Variants in SORT1 observed in about 807,000 individuals in gnomAD.
SORT1 encodes sortilin 1.
SORT1 carries 39 observed loss-of-function variants against 101.7 expected under a neutral mutation model. The ratio of observed to expected loss-of-function variants is 0.38; its 90% confidence interval spans 0.30 to 0.50. The LOEUF is 0.50. SORT1 is among the 20% of genes least tolerant of loss of function. The pLI is 0.90. For synonymous variants in SORT1, 396 were observed against 393.7 expected, an observed-to-expected ratio of 1.01 and a Z score of -0.07; for missense variants, 878 against 1,040.4, an observed-to-expected ratio of 0.84 and a Z score of 2.15.
At chr1:109,322,831 C>T in intron 15 of SORT1, 101 bp downstream of exon 15, 1 of 962,192 alleles carries the variant, frequency 1.0e-6, no homozygotes, top group East Asian at 2.6e-5. Context: ...TGAGCCACCG[C>T]ACCCGGCTGG....
chr1:109,342,885 T>C (rs969503549), intron 8 of SORT1, among the ~76,000 whole-genome samples: 31 of 152,184 alleles, frequency 2.0e-4, no homozygotes, highest in African/African-American at 7.0e-4. Context: ...TGAGAATTAA[T>C]GTCGGTGTTT....
At chr1:109,369,023 T>A (rs1402559354) in intron 2 of SORT1, among the ~76,000 whole-genome samples, 1 of 152,124 alleles carries the variant, frequency 6.6e-6, no homozygotes, top group Non-Finnish European at 1.5e-5. Flanking sequence ...AAGAAGGTGG[T>A]CAGAAGATGT....
chr1:109,337,092 ACT>A (rs559199088), intron 10 of SORT1, among the ~76,000 whole-genome samples: 262 of 151,746 alleles, frequency 1.7e-3, no homozygotes, highest in Middle Eastern at 3.4e-3. Flanking sequence ...TGGATTAATA[ACT>A]CTGAATTATT....
At chr1:109,350,484 G>A (rs1279484333) in intron 6 of SORT1, among the ~76,000 whole-genome samples, 2 of 152,170 alleles carry the variant, frequency 1.3e-5, no homozygotes, top group Admixed American at 6.5e-5. Context: ...GGTGCGCAAT[G>A]TGACTTCAGG....
At chr1:109,323,279 T>A (rs1306878644) in intron 14 of SORT1, among the ~76,000 whole-genome samples, 158 bp from the exon 15 acceptor site, 1 of 152,236 alleles carries the variant, frequency 6.6e-6, no homozygotes, top group African/African-American at 2.4e-5. Flanking sequence ...GTTACACTAG[T>A]CTAGAGCCTA....
At chr1:109,386,650 C>G (rs190851505) in intron 1 of SORT1, among the ~76,000 whole-genome samples, 60 of 152,108 alleles carry the variant, frequency 3.9e-4, no homozygotes, top group Admixed American at 5.9e-4. Context: ...CCCAGGAATC[C>G]CAGACCAGCC....
intron 5 of SORT1, 104 bp from the exon 6 acceptor site, chr1:109,351,106 C>A: frequency 1.2e-6 from 1 of 824,324 alleles, no homozygotes. Context: ...AGGAAAAACA[C>A]ATACTGAAGC....
chr1:109,352,795 G>A (rs1039906124), intron 5 of SORT1, among the ~76,000 whole-genome samples: 1 of 152,112 alleles, frequency 6.6e-6, no homozygotes, highest in Non-Finnish European at 1.5e-5. Context: ...GAAATTTCAG[G>A]TACAGAAGCA....
rs72981186 is a variant in SORT1, at chr1:109,364,676, G to A, written c.440+2732C>T. The stretch of plus-strand genomic sequence containing the variant: ...ATGTTGGCAGGGGCTAGGGGGTGCA[G>A]TGTGCATTTGTAGAAGACGTGGAGG... On this transcript the variant is annotated intron_variant, in intron 3 of 19. Transcript: ENST00000256637. Among the ~76,000 whole-genome samples, 1,473 of 152,344 alleles carry A rather than the reference G, an allele frequency of 9.7e-3. 27 individuals are homozygous for A. Among genetic ancestry groups the A allele is most frequent in the African/African-American group, 0.034 (1,413 of 41,570 alleles).
chr1:109,393,164 A>C, intron 1 of SORT1: 2 of 985,426 alleles, frequency 2.0e-6, no homozygotes, highest in Non-Finnish European at 2.4e-6. Flanking sequence ...GCCAGCAAAC[A>C]AACACACGCA....
In SORT1 at chr1:109,312,957, A is replaced by AT. The variant is rs933522099; in HGVS notation, c.*1085dup. On this transcript the variant is annotated 3_prime_UTR_variant, in exon 20 of 20. Coordinates refer to ENST00000256637, the MANE Select transcript of SORT1 (RefSeq NM_002959.7). ...AGGAAAGCCTGGTAATAAAATTCTAATTTTTTAAGTCTATAAATCTGAAAA... is the reference window on the plus strand; with the variant it reads ...AGGAAAGCCTGGTAATAAAATTCTAATTTTTTTAAGTCTATAAATCTGAAAA... 6.6e-6 allele frequency: 1 copy of AT among 152,298 alleles called. No homozygotes were observed. The highest frequency in any genetic ancestry group is 2.4e-5 in the African/African-American group (1 of 41,564). 9.4% of individuals were successfully genotyped at this position (152,298 alleles called of 1,614,324 possible). A position where few individuals can be genotyped will look rare whatever the true frequency, so the allele number is the denominator to read the frequency against.
intron 15 of SORT1, among the ~76,000 whole-genome samples, chr1:109,319,153 C>T (rs1647448979): frequency 6.6e-6 from 1 of 152,216 alleles, no homozygotes; most frequent in Admixed American, 6.5e-5. Context: ...TCTGTCTTCC[C>T]CACTTCTGTT....
chr1:109,316,095 A>C (rs971308687), intron 17 of SORT1, among the ~76,000 whole-genome samples: 1 of 152,098 alleles, frequency 6.6e-6, no homozygotes, highest in Non-Finnish European at 1.5e-5. Flanking sequence ...AAACCAGCCC[A>C]TTACCATAGC....
chr1:109,393,952 A>C (rs911559044), intron 1 of SORT1, among the ~76,000 whole-genome samples: 6 of 152,184 alleles, frequency 3.9e-5, no homozygotes, highest in Non-Finnish European at 5.9e-5. Flanking sequence ...CAACCACCCT[A>C]CAAATTAAGT....
intron 1 of SORT1, among the ~76,000 whole-genome samples, chr1:109,376,001 T>C (rs1651809582): frequency 6.6e-6 from 1 of 152,048 alleles, no homozygotes; most frequent in Non-Finnish European, 1.5e-5. Flanking sequence ...TTATACACTG[T>C]TGGAGGGAAT....
intron 8 of SORT1, among the ~76,000 whole-genome samples, chr1:109,345,490 A>T (rs184919093): frequency 2.0e-5 from 3 of 151,924 alleles, no homozygotes; most frequent in Non-Finnish European, 4.4e-5. Context: ...ACTCCAGCCT[A>T]GGCAACAGAG....
rs781587744 is a variant in SORT1 at position 109,340,752 on chromosome 1, G to A, written c.1236C>T (p.Gly412=). ...CGGAGAGCACGCTTGTTATGTAGAC[G>A]CCGCGGAGGGAGGTCACGTTGGTAA... The part of the protein sequence containing the change: ...TDFTNVTSLR[G]VYITSVLSED... The change falls in exon 10 of 20, where the codon GGC becomes GGT. Residue 412 remains glycine (G), a synonymous_variant. Coordinates refer to ENST00000256637, the MANE Select transcript of SORT1 (RefSeq NM_002959.7). The A allele has an allele frequency of 8.7e-6, 14 of 1,613,976 alleles. No homozygotes were observed. In the East Asian group the frequency reaches 1.3e-4, roughly 15 times the overall value.
intron 1 of SORT1, among the ~76,000 whole-genome samples, chr1:109,371,829 C>G (rs367925014): frequency 6.6e-6 from 1 of 152,198 alleles, no homozygotes; most frequent in African/African-American, 2.4e-5. Flanking sequence ...GTCCCTCCCA[C>G]CCACTCCAAA....
intron 11 of SORT1, among the ~76,000 whole-genome samples, chr1:109,331,998 T>A (rs1570908055): frequency 6.6e-5 from 8 of 121,974 alleles, no homozygotes; most frequent in East Asian, 2.5e-4. Flanking sequence ...GGTGAAAGAC[T>A]AAAAACTACA....
Sources: gnomAD v4.1 joint callset for allele counts (sites outside exome capture counted in the v4.1 genomes callset) on GRCh38, gnomAD v4.1.1 for gene constraint, MANE v1.5 for transcripts, NCBI Gene and HGNC (gene_info 2026-07-23, HGNC 2026-07-21) for gene names.